The following M1AP variants were observed in gnomAD, a reference collection of about 807,000 sequenced individuals.
M1AP encodes meiosis 1 associated protein.
A neutral mutation model predicts 51.2 loss-of-function variants in M1AP; 39 were observed. The observed-to-expected ratio is 0.76, with a 90% CI of 0.59 to 1.00. M1AP has a LOEUF of 1.00. M1AP is among the 50% of genes least tolerant of loss of function. The pLI is 0.00. For synonymous variants in M1AP, 251 were observed against 249.2 expected (o/e 1.01, Z -0.07); for missense variants, 545 against 641.2 (o/e 0.85, Z 1.62).
intron 2 of M1AP, among the ~76,000 whole-genome samples, chr2:74,630,508 G>A (rs1214149099): frequency 6.6e-6 from 1 of 152,142 alleles, no homozygotes; most frequent in African/African-American, 2.4e-5. Flanking sequence ...ACGGGCCCCA[G>A]TGTGTGTTGT....
chr2:74,575,653 G>A, intron 6 of M1AP, 74 bp from the exon 7 acceptor site: 2 of 1,203,016 alleles, frequency 1.7e-6, no homozygotes, highest in South Asian at 1.3e-5. Flanking sequence ...CTTCAATTCA[G>A]CTTAACTCTA....
At chr2:74,569,219 T>A (rs939496764) in intron 7 of M1AP, among the ~76,000 whole-genome samples, 2 of 152,172 alleles carry the variant, frequency 1.3e-5, no homozygotes, top group Middle Eastern at 3.2e-3. Flanking sequence ...AACCAACCAC[T>A]ATGTGGAAAT....
chr2:74,603,494 G>C (rs1217434267), intron 4 of M1AP, among the ~76,000 whole-genome samples: 4 of 152,162 alleles, frequency 2.6e-5, no homozygotes, highest in Non-Finnish European at 5.9e-5. Flanking sequence ...GAAGTGATGT[G>C]GTTGTTCTAA....
At chr2:74,626,257 G>GTT (rs1337799000) in intron 2 of M1AP, among the ~76,000 whole-genome samples, 2,482 of 125,834 alleles carry the variant, frequency 0.02, 113 homozygotes, top group African/African-American at 0.069. Context: ...CTATATTTCA[G>GTT]TTTTTTTTTT....
chr2:74,593,448 T>C (rs569544959), intron 4 of M1AP, among the ~76,000 whole-genome samples: 30 of 152,344 alleles, frequency 2.0e-4, no homozygotes, highest in African/African-American at 7.2e-4. Flanking sequence ...TGGTGCAATC[T>C]TGGCTCAGTG....
At chr2:74,589,687 G>C (rs894872066) in intron 4 of M1AP, among the ~76,000 whole-genome samples, 1 of 152,194 alleles carries the variant, frequency 6.6e-6, no homozygotes, top group African/African-American at 2.4e-5. Flanking sequence ...CTCAAGCAGA[G>C]ATCCTTCAGC....
chr2:74,604,044 A>G (rs1006341742), intron 4 of M1AP, among the ~76,000 whole-genome samples: 4 of 149,286 alleles, frequency 2.7e-5, no homozygotes, highest in African/African-American at 9.9e-5. Flanking sequence ...CTTGAACTCC[A>G]TAATTTGGAG....
At chr2:74,617,346 G>T (rs1334774899) in intron 2 of M1AP, among the ~76,000 whole-genome samples, 1 of 152,160 alleles carries the variant, frequency 6.6e-6, no homozygotes, top group Non-Finnish European at 1.5e-5. Context: ...CACAACTTCG[G>T]ACTAAGCTTG....
rs973835311 is a variant in M1AP at position 74,643,206 on chromosome 2, G to C, written c.-52-2879C>G. On this transcript the variant is annotated intron_variant, in intron 1 of 10. Coordinates refer to ENST00000421985, the MANE Select transcript of M1AP (RefSeq NM_001321739.2). ...CCAAAAGACTATTAATAACAATCTTGTTCACAATTACCCAAAACTGAAAAA... is the reference window on the plus strand; with the variant it reads ...CCAAAAGACTATTAATAACAATCTTCTTCACAATTACCCAAAACTGAAAAA... 8.6e-5 allele frequency among the ~76,000 whole-genome samples: 13 copies of C among 151,826 alleles called. No individual in the cohort carries two copies. In the South Asian group the frequency reaches 2.1e-3, roughly 24 times the overall value.
At chr2:74,600,904 C>T (rs1455072910) in intron 4 of M1AP, among the ~76,000 whole-genome samples, 1 of 151,792 alleles carries the variant, frequency 6.6e-6, no homozygotes, top group Non-Finnish European at 1.5e-5. Flanking sequence ...TTAATAAATA[C>T]GAATTATTAG....
intron 1 of M1AP, 53 bp downstream of exon 1, chr2:74,648,211 TG>T: frequency 1.0e-6 from 1 of 957,494 alleles, no homozygotes; most frequent in Non-Finnish European, 1.2e-6. Flanking sequence ...GCCTGCGAAG[TG>T]GTGCCGGCTG....
intron 5 of M1AP, among the ~76,000 whole-genome samples, chr2:74,580,297 A>T (rs141903587): frequency 2.0e-3 from 307 of 152,362 alleles, no homozygotes; most frequent in African/African-American, 6.1e-3. Flanking sequence ...ACTAGCTTCT[A>T]TATAAAGTTG....
At position 74,586,722 on chromosome 2, in the gene M1AP, C is replaced by T. The variant is rs181791425; in HGVS notation, c.596-4875G>A. Among the ~76,000 whole-genome samples the T allele has an allele frequency of 9.6e-3, 1,467 of 152,192 alleles. 11 individuals are homozygous for T. The highest frequency in any genetic ancestry group is 0.015 in the Non-Finnish European group (1,054 of 68,018). ...TTGAGAATTAAAAGTTGTTAGCAGC[C>T]GGGCACGGTGGCTCACGCCTGTAAT... On this transcript the variant is annotated intron_variant, in intron 4 of 10. Transcript: ENST00000421985.
intron 4 of M1AP, among the ~76,000 whole-genome samples, chr2:74,601,007 C>T (rs2104676039): frequency 6.6e-6 from 1 of 152,194 alleles, no homozygotes; most frequent in East Asian, 1.9e-4. Context: ...GTGCCAGGCA[C>T]TGTTATAAGT....
intron 2 of M1AP, among the ~76,000 whole-genome samples, chr2:74,636,936 C>G (rs1230183122): frequency 6.6e-6 from 1 of 152,098 alleles, no homozygotes; most frequent in African/African-American, 2.4e-5. Context: ...TAGTTTTCTT[C>G]ATGTTTCTTG....
At chr2:74,612,399 T>C (rs1681419578) in intron 3 of M1AP, among the ~76,000 whole-genome samples, 1 of 152,044 alleles carries the variant, frequency 6.6e-6, no homozygotes, top group African/African-American at 2.4e-5. Context: ...AAAAAATTTT[T>C]TGTAGAGATG....
intron 4 of M1AP, among the ~76,000 whole-genome samples, chr2:74,593,259 AAAAG>A: frequency 6.6e-6 from 1 of 152,364 alleles, no homozygotes; most frequent in Non-Finnish European, 1.5e-5. Flanking sequence ...AAAGGAGGTA[AAAAG>A]AAAGAACCAA....
At position 74,561,097 on chromosome 2, in the gene M1AP, A is replaced by AGGAGGAGGAGGAGAAGG. The variant is rs1677913842; in HGVS notation, c.1282-807_1282-806insCCTTCTCCTCCTCCTCC. Among the ~76,000 whole-genome samples, 4 of 38,456 alleles carry AGGAGGAGGAGGAGAAGG rather than the reference A, an allele frequency of 1.0e-4. 1 individual carries two copies. The highest frequency in any genetic ancestry group is 5.1e-4 in the African/African-American group (4 of 7,826). 25.2% of individuals were successfully genotyped at this position (38,456 alleles called of 152,430 possible). On this transcript the variant is annotated intron_variant, in intron 8 of 10. Coordinates refer to ENST00000421985, the MANE Select transcript of M1AP (RefSeq NM_001321739.2). ...GGAGGAGGAGGAGGAGGAGAAGGAG[A>AGGAGGAGGAGGAGAAGG]AGGAGGAGGAGGAGAAGGAGGAGGA...
chr2:74,616,133 AG>A (rs2104743465), intron 2 of M1AP, among the ~76,000 whole-genome samples: 1 of 152,346 alleles, frequency 6.6e-6, no homozygotes, highest in South Asian at 2.1e-4. Flanking sequence ...CTTGTAATCT[AG>A]AAAGGAAAAT....
Sources: gnomAD v4.1 joint callset for allele counts (sites outside exome capture counted in the v4.1 genomes callset) on GRCh38, gnomAD v4.1.1 for gene constraint, MANE v1.5 for transcripts, NCBI Gene and HGNC (gene_info 2026-07-23, HGNC 2026-07-21) for gene names.